RNF169: variants seen among roughly 807,000 people sequenced by gnomAD.
The protein encoded by RNF169 is ring finger protein 169.
Under a neutral mutation model 53.9 loss-of-function variants are expected in RNF169, and 24 were observed. The observed-to-expected ratio is 0.45, with a 90% CI of 0.32 to 0.63. The LOEUF (loss-of-function observed/expected upper bound fraction) is 0.63. RNF169 is among the 20% of genes least tolerant of loss of function. The pLI, the probability that RNF169 is intolerant of heterozygous loss-of-function variation, is 0.04. For missense variants in RNF169, 883 were observed against 906.2 expected (o/e 0.97, Z 0.33); for synonymous variants, 396 against 363.5 (o/e 1.09, Z -1.02).
At chr11:74,778,328 T>C (rs571136492) in intron 1 of RNF169, among the ~76,000 whole-genome samples, 28 of 152,338 alleles carry the variant, frequency 1.8e-4, no homozygotes, top group African/African-American at 5.8e-4. Context: ...CTATCATTCT[T>C]ACACATTTAC....
chr11:74,802,200 C>G (rs1281071431), intron 2 of RNF169, among the ~76,000 whole-genome samples: 3 of 152,192 alleles, frequency 2.0e-5, no homozygotes, highest in African/African-American at 7.2e-5. Flanking sequence ...GCACTGCCCC[C>G]TATAAGCCCT....
intron 1 of RNF169, among the ~76,000 whole-genome samples, chr11:74,777,740 C>A (rs1412502709): frequency 6.6e-6 from 1 of 151,972 alleles, no homozygotes; most frequent in African/African-American, 2.4e-5. Flanking sequence ...CTTGACCTTC[C>A]GCCTTAGCCT....
intron 3 of RNF169, among the ~76,000 whole-genome samples, chr11:74,817,242 C>T (rs1209566953): frequency 6.6e-6 from 1 of 152,140 alleles, no homozygotes; most frequent in Non-Finnish European, 1.5e-5. Flanking sequence ...AATCATCCTG[C>T]TTTTAATGGG....
chr11:74,750,865 GTTTTT>G (rs35173529), intron 1 of RNF169, among the ~76,000 whole-genome samples: 17 of 60,126 alleles, frequency 2.8e-4, no homozygotes, highest in African/African-American at 9.7e-4. Context: ...GCCTCCCAAG[GTTTTT>G]TTTTTTTTTT....
At position 74,842,311 on chromosome 11, in the gene RNF169, G is replaced by A. The variant is rs1432768139; in HGVS notation, c.*5581G>A. On this transcript the variant is annotated 3_prime_UTR_variant, in exon 6 of 6. Coordinates refer to ENST00000299563, the MANE Select transcript of RNF169 (RefSeq NM_001098638.2). ...GGCATGGAATCAAGTGGGCTGATGT[G>A]TTGTTATTTAAACAGTACCAAAGTG... 1 of 152,206 alleles carries A rather than the reference G, an allele frequency of 6.6e-6. No individual in the cohort carries two copies. Among genetic ancestry groups the A allele is most frequent in the Non-Finnish European group, 1.5e-5 (1 of 68,046 alleles). The allele number at this position is 152,206 out of a possible 1,614,324, so 9.4% of individuals were successfully genotyped here.
Position 74,841,716 on chromosome 11 carries a change from G to T in RNF169, c.*4986G>T, listed in dbSNP as rs1398912092. 1 of 152,200 alleles carries T rather than the reference G, an allele frequency of 6.6e-6. No homozygotes were observed. Among genetic ancestry groups the T allele is most frequent in the Non-Finnish European group, 1.5e-5 (1 of 68,026 alleles). The allele number at this position is 152,200 out of a possible 1,614,324, so 9.4% of individuals were successfully genotyped here. ...TTGAAGCCAAGGCAAAGCAAGGTTT[G>T]TTCATCTTCCTTTCCTGTCATTTAA... On this transcript the variant is annotated 3_prime_UTR_variant, in exon 6 of 6. Coordinates refer to ENST00000299563, the MANE Select transcript of RNF169 (RefSeq NM_001098638.2).
At chr11:74,776,998 G>A (rs1234661694) in intron 1 of RNF169, among the ~76,000 whole-genome samples, 1 of 152,086 alleles carries the variant, frequency 6.6e-6, no homozygotes, top group African/African-American at 2.4e-5. Context: ...AGGGTGGTAG[G>A]GTCAGTTCTC....
intron 2 of RNF169, among the ~76,000 whole-genome samples, chr11:74,806,562 A>G (rs2035807956): frequency 4.6e-5 from 7 of 152,234 alleles, no homozygotes; most frequent in Admixed American, 4.6e-4. Context: ...ATATCCATCA[A>G]CAATAGGATG....
intron 2 of RNF169, among the ~76,000 whole-genome samples, chr11:74,797,192 T>G (rs1393790683): frequency 2.6e-5 from 4 of 152,210 alleles, no homozygotes; most frequent in Non-Finnish European, 5.9e-5. Flanking sequence ...AGGGATATTT[T>G]AAAGGTAAGT....
intron 1 of RNF169, among the ~76,000 whole-genome samples, chr11:74,785,160 TATATATATATATG>T (rs759980421): frequency 5.2e-4 from 67 of 127,674 alleles, no homozygotes; most frequent in East Asian, 1.7e-3. Context: ...TGTATTTTTA[TATATATATATATG>T]ATATATATAT....
In RNF169 at chr11:74,835,887, A is replaced by G. The variant is rs764151827; in HGVS notation, c.1284A>G (p.Pro428=). The G allele has an allele frequency of 3.1e-6, 5 of 1,614,192 alleles. No individual in the cohort carries two copies. The South Asian group carries it at 5.5e-5, about 18-fold the overall frequency. ...AGCAGACTTCTTATGAGGCCAGTCC[A>G]CGGATCCTCAAAAAGTGGGAACAGA... The part of the protein sequence containing the change: ...LQKQTSYEAS[P]RILKKWEQIF... Residue 428 remains proline, a synonymous_variant, in exon 6 of 6, where the codon CCA becomes CCG. Coordinates refer to ENST00000299563, the MANE Select transcript of RNF169 (RefSeq NM_001098638.2).
At chr11:74,820,948 G>T (rs190812959) in intron 4 of RNF169, among the ~76,000 whole-genome samples, 1 of 152,078 alleles carries the variant, frequency 6.6e-6, no homozygotes, top group East Asian at 1.9e-4. Context: ...TATTCATCCT[G>T]CAAAATGTGT....
chr11:74,835,409 C>T (rs895455623), intron 5 of RNF169, 137 bp from the exon 6 acceptor site: 29 of 645,590 alleles, frequency 4.5e-5, no homozygotes, highest in African/African-American at 4.0e-4. Context: ...GGATTTTCTC[C>T]ATTTCTTAGG....
At chr11:74,830,801 T>A (rs887482284) in intron 4 of RNF169, 1 of 152,124 alleles carries the variant, frequency 6.6e-6, no homozygotes, top group Non-Finnish European at 1.5e-5. Flanking sequence ...TCCAGCAGCA[T>A]TTTTTTAAAA....
intron 1 of RNF169, among the ~76,000 whole-genome samples, chr11:74,752,126 G>A (rs562746428): frequency 6.6e-6 from 1 of 150,682 alleles, no homozygotes; most frequent in East Asian, 2.0e-4. Context: ...CAGCTACTTG[G>A]GAGACTGAGA....
intron 4 of RNF169, among the ~76,000 whole-genome samples, chr11:74,826,080 C>T (rs2036091860): frequency 6.6e-6 from 1 of 152,158 alleles, no homozygotes; most frequent in African/African-American, 2.4e-5. Flanking sequence ...AATCCCAGCA[C>T]ATTGGGAGGC....
intron 1 of RNF169, among the ~76,000 whole-genome samples, chr11:74,788,287 A>G (rs143431379): frequency 0.013 from 1,878 of 141,726 alleles, 18 homozygotes; most frequent in Non-Finnish European, 0.019. Context: ...GGGGGTTTAT[A>G]TATACATAAA....
intron 2 of RNF169, among the ~76,000 whole-genome samples, chr11:74,790,411 A>G (rs958635433): frequency 7.2e-5 from 11 of 152,206 alleles, no homozygotes; most frequent in African/African-American, 2.4e-4. Flanking sequence ...CTTAATCTGG[A>G]TCAAGCATCA....
At chr11:74,815,975 A>G (rs527887914) in intron 3 of RNF169, among the ~76,000 whole-genome samples, 6 of 152,344 alleles carry the variant, frequency 3.9e-5, no homozygotes, top group African/African-American at 1.2e-4. Context: ...GGTTGGTGCT[A>G]TTAAAGTTTC....
Sources: gnomAD v4.1 joint callset for allele counts (sites outside exome capture counted in the v4.1 genomes callset) on GRCh38, gnomAD v4.1.1 for gene constraint, MANE v1.5 for transcripts, NCBI Gene and HGNC (gene_info 2026-07-23, HGNC 2026-07-21) for gene names.